NAV3: variants seen among roughly 807,000 people sequenced by gnomAD.
NAV3 encodes neuron navigator 3, also known as pore membrane and/or filament interacting like protein 1.
A neutral mutation model predicts 244.7 loss-of-function variants in NAV3; 87 were observed. The observed-to-expected ratio is 0.36, with a 90% CI of 0.30 to 0.42. The LOEUF (loss-of-function observed/expected upper bound fraction) is 0.42. Among genes scored for constraint, NAV3 ranks in the 20% least tolerant of loss-of-function variants. The probability of loss-of-function intolerance (pLI) is 1.00; values close to 1 mark genes in which losing one functional copy is unlikely to be tolerated. For missense variants in NAV3, 2,663 were observed against 2,893.3 expected (o/e 0.92, Z 1.83); for synonymous variants, 1,126 against 1,042.2 (o/e 1.08, Z -1.55).
At chr12:77,790,283 C>A (rs1871125686) in intron 2 of NAV3, among the ~76,000 whole-genome samples, 1 of 152,124 alleles carries the variant, frequency 6.6e-6, no homozygotes, top group African/African-American at 2.4e-5. Context: ...TCTTTTGACT[C>A]ACCAGAAAAA....
intron 6 of NAV3, 38 bp from the exon 7 acceptor site, chr12:77,998,299 T>C: frequency 1.4e-6 from 2 of 1,437,564 alleles, no homozygotes. Context: ...CTTTTTGTAA[T>C]GTACAATAAT....
At position 78,210,858 on chromosome 12, in the gene NAV3, T is replaced by A. The variant is rs551945216; in HGVS notation, c.*341T>A. The A allele has an allele frequency of 4.0e-6, 1 of 248,314 alleles. No homozygotes were observed. The highest frequency in any genetic ancestry group is 2.3e-5 in the African/African-American group (1 of 43,466). The allele number at this position is 248,314 out of a possible 1,614,324, so 15.4% of individuals were successfully genotyped here. On this transcript the variant is annotated 3_prime_UTR_variant, in exon 40 of 40. Coordinates refer to ENST00000397909, the MANE Select transcript of NAV3 (RefSeq NM_001024383.2). ...TTGTTTCCTCTTTAAAAGTTTACAA[T>A]GCAGACCATTTTTTGTCCCTTCCTT...
chr12:78,115,627 A>G (rs958413161), intron 12 of NAV3, among the ~76,000 whole-genome samples: 1 of 152,200 alleles, frequency 6.6e-6, no homozygotes, highest in African/African-American at 2.4e-5. Flanking sequence ...TGGTCATTGA[A>G]GGACCACATC....
intron 12 of NAV3, among the ~76,000 whole-genome samples, chr12:78,097,577 A>T (rs915615583): frequency 6.6e-6 from 1 of 152,222 alleles, no homozygotes; most frequent in Non-Finnish European, 1.5e-5. Context: ...AAAATGGAAG[A>T]ATCTGGAATG....
intron 12 of NAV3, among the ~76,000 whole-genome samples, chr12:78,104,987 A>G (rs1012609494): frequency 6.6e-6 from 1 of 152,144 alleles, no homozygotes; most frequent in African/African-American, 2.4e-5. Context: ...TTTGTTCACA[A>G]TGCTGAGTGT....
At chr12:78,178,747 G>C (rs187744616) in intron 28 of NAV3, among the ~76,000 whole-genome samples, 2 of 152,210 alleles carry the variant, frequency 1.3e-5, no homozygotes, top group East Asian at 3.9e-4. Context: ...ACATGTCACT[G>C]TCATTTTGTG....
At chr12:77,987,310 A>T (rs1870686288) in intron 5 of NAV3, among the ~76,000 whole-genome samples, 1 of 152,222 alleles carries the variant, frequency 6.6e-6, no homozygotes, top group African/African-American at 2.4e-5. Flanking sequence ...ATTTAAGTTC[A>T]AATTTCAGCA....
upstream of NAV3, among the ~76,000 whole-genome samples, chr12:77,827,158 G>A (rs897894332): frequency 6.0e-5 from 9 of 149,944 alleles, no homozygotes; most frequent in African/African-American, 2.0e-4. Flanking sequence ...GCTTGAACCC[G>A]GGAGGCAGAG....
intron 12 of NAV3, among the ~76,000 whole-genome samples, chr12:78,086,886 C>A (rs1255801445): frequency 6.6e-6 from 1 of 151,954 alleles, no homozygotes; most frequent in African/African-American, 2.4e-5. Flanking sequence ...AAAAAATAAT[C>A]TTTCATGAAG....
chr12:78,167,472 C>T (rs181700651), intron 23 of NAV3, among the ~76,000 whole-genome samples: 57 of 150,870 alleles, frequency 3.8e-4, no homozygotes, highest in African/African-American at 1.3e-3. Flanking sequence ...TATGAGGTGC[C>T]AGGTATCTAT....
At chr12:77,812,049 A>G (rs1051782238) in intron 2 of NAV3, among the ~76,000 whole-genome samples, 5 of 152,162 alleles carry the variant, frequency 3.3e-5, no homozygotes, top group African/African-American at 1.2e-4. Context: ...ATTTTATTCT[A>G]TTCTTCTTGG....
intron 2 of NAV3, among the ~76,000 whole-genome samples, chr12:77,766,537 G>C (rs547299183): frequency 6.5e-4 from 99 of 152,090 alleles, no homozygotes; most frequent in African/African-American, 2.3e-3. Context: ...TATTAGGAGA[G>C]GATAATTTTA....
intron 2 of NAV3, among the ~76,000 whole-genome samples, chr12:77,754,090 A>T (rs914788345): frequency 5.9e-5 from 9 of 152,148 alleles, no homozygotes; most frequent in Non-Finnish European, 1.5e-5. Flanking sequence ...ATGTTATTTT[A>T]TACGTATTTT....
intron 28 of NAV3, among the ~76,000 whole-genome samples, chr12:78,178,891 A>G (rs1958376473): frequency 6.6e-6 from 1 of 152,116 alleles, no homozygotes; most frequent in African/African-American, 2.4e-5. Context: ...TTTCCTTCAA[A>G]CAGCCCTCAG....
intron 2 of NAV3, among the ~76,000 whole-genome samples, chr12:77,650,716 C>A (rs565396476): frequency 6.6e-6 from 1 of 151,882 alleles, no homozygotes; most frequent in Admixed American, 6.6e-5. Context: ...ATGTTATAAA[C>A]CTGAAAGTGT....
At chr12:77,878,143 G>T (rs1347482565) in intron 1 of NAV3, among the ~76,000 whole-genome samples, 1 of 152,070 alleles carries the variant, frequency 6.6e-6, no homozygotes, top group Non-Finnish European at 1.5e-5. Flanking sequence ...GTACCTGAAT[G>T]AGAACATGGG....
upstream of NAV3, among the ~76,000 whole-genome samples, chr12:77,828,540 G>A (rs752035367): frequency 3.9e-5 from 6 of 151,994 alleles, no homozygotes; most frequent in Admixed American, 2.0e-4. Flanking sequence ...CAAGGTATCA[G>A]TGACCGTAAG....
At chr12:78,093,519 T>C (rs181064518) in intron 12 of NAV3, among the ~76,000 whole-genome samples, 2 of 152,282 alleles carry the variant, frequency 1.3e-5, no homozygotes, top group Admixed American at 1.3e-4. Flanking sequence ...AGTCCAGATA[T>C]TGTTTTTGGA....
At chr12:77,618,937 G>T (rs531597175) in intron 2 of NAV3, among the ~76,000 whole-genome samples, 1 of 152,272 alleles carries the variant, frequency 6.6e-6, no homozygotes, top group East Asian at 1.9e-4. Flanking sequence ...TTCATTGTCA[G>T]CATAAGCTTT....
Sources: allele counts gnomAD v4.1 joint callset (sites outside exome capture counted in the v4.1 genomes callset), GRCh38; gene constraint gnomAD v4.1.1; transcripts MANE v1.5; gene names NCBI Gene and HGNC (gene_info 2026-07-23, HGNC 2026-07-21).